The following AQP5 variants were observed in gnomAD, a reference collection of about 807,000 sequenced individuals.
The protein encoded by AQP5 is aquaporin-5.
In AQP5, 15 loss-of-function variants were observed where a neutral mutation model predicts 19.1. That is an observed-to-expected ratio of 0.79 (90% CI 0.53 to 1.21). The LOEUF is 1.21. Ranked by LOEUF, AQP5 falls within the 50% of genes most tolerant of loss-of-function variation. AQP5 has a pLI of 0.00. For synonymous variants in AQP5, 182 were observed against 160.3 expected, an observed-to-expected ratio of 1.14 and a Z score of -1.02; for missense variants, 355 against 357.1, an observed-to-expected ratio of 0.99 and a Z score of 0.05.
chr12:49,964,862 C>G (rs1947472250), intron 3 of AQP5, 130 bp from the exon 4 acceptor site: 1 of 1,469,476 alleles, frequency 6.8e-7, no homozygotes, highest in African/African-American at 1.4e-5. Flanking sequence ...AAGTCTTTCT[C>G]CCTGAAGGTC....
Position 49,964,077 on chromosome 12 carries a change from C to G in AQP5, c.529-15C>G. On this transcript the variant is annotated splice_polypyrimidine_tract_variant and intron_variant, in intron 2 of 3. Coordinates refer to ENST00000293599, the MANE Select transcript of AQP5 (RefSeq NM_001651.4). The stretch of plus-strand genomic sequence containing the variant: ...AGGATGTTGCCTTTCTCTCCACCGC[C>G]CTGTCTCTATCCAGATCTACTTCAC... The G allele has an allele frequency of 6.2e-7, 1 of 1,610,554 alleles. No homozygotes were observed. Among genetic ancestry groups the G allele is most frequent in the East Asian group, 2.2e-5 (1 of 44,862 alleles).
At chr12:49,964,223 C>A (rs1337310505) in intron 3 of AQP5, 48 bp downstream of exon 3, 1 of 1,574,050 alleles carries the variant, frequency 6.4e-7, no homozygotes, top group Non-Finnish European at 8.7e-7. Context: ...GGCCTGGAGA[C>A]CCAGCAGTGG....
chr12:49,963,664 G>C lies in AQP5; in HGVS notation c.528+8G>C. Reference sequence around the variant, plus strand: ...CTGGGCCACCTTGTCGGAGTGAGCAGTACCGACATTGGGCTGGGGTGAGGG... The same window carrying C: ...CTGGGCCACCTTGTCGGAGTGAGCACTACCGACATTGGGCTGGGGTGAGGG... On this transcript the variant is annotated splice_region_variant and intron_variant, in intron 2 of 3. Transcript: ENST00000293599. 6.2e-7 allele frequency: 1 copy of C among 1,611,296 alleles called. No homozygotes were observed. Among genetic ancestry groups the C allele is most frequent in the Non-Finnish European group, 8.5e-7 (1 of 1,178,480 alleles).
chr12:49,965,312 C>A lies in AQP5; in HGVS notation c.*135C>A. On this transcript the variant is annotated 3_prime_UTR_variant, in exon 4 of 4. Transcript: ENST00000293599. ...GGAGGAGCTGGTCACCCTGGCTGCA[C>A]AGTTAGAGAGGGGAGAAGGAACCCA... is the stretch of plus-strand genomic sequence containing the variant. 8.9e-7 allele frequency: 1 copy of A among 1,122,958 alleles called. No individual in the cohort carries two copies. Among genetic ancestry groups the A allele is most frequent in the Non-Finnish European group, 1.2e-6 (1 of 818,108 alleles). 69.6% of individuals were successfully genotyped at this position (1,122,958 alleles called of 1,614,324 possible). A position where few individuals can be genotyped will look rare whatever the true frequency, so the allele number is the denominator to read the frequency against.
chr12:49,962,170 G>C lies in AQP5; in HGVS notation c.153G>C (p.Leu51=). 2 of 1,611,642 alleles carry C rather than the reference G, an allele frequency of 1.2e-6. No homozygotes were observed. The highest frequency in any genetic ancestry group is 1.1e-5 in the South Asian group (1 of 91,074). The change falls in exon 1 of 4, where the codon CTG becomes CTC. Residue 51 remains leucine (L), a synonymous_variant. Coordinates refer to ENST00000293599, the MANE Select transcript of AQP5 (RefSeq NM_001651.4). ...TGCAGATCGCGCTGGCGTTTGGCCT[G>C]GCCATAGGCACGCTGGCCCAGGCCC... The part of the protein sequence containing the change: ...TILQIALAFG[L]AIGTLAQALG...
chr12:49,964,714 G>C, intron 3 of AQP5: 3 of 985,336 alleles, frequency 3.0e-6, no homozygotes, highest in Non-Finnish European at 3.6e-6. Flanking sequence ...AGGTTTATTT[G>C]CTTCTCTTTC....
At chr12:49,964,654 A>T in intron 3 of AQP5, 1 of 984,162 alleles carries the variant, frequency 1.0e-6, no homozygotes. Flanking sequence ...CGTGGAGGGG[A>T]CACGCGCTCT....
rs1398556425 is a variant in AQP5 at position 49,961,937 on chromosome 12, G to T, written c.-81G>T. The T allele has an allele frequency of 1.1e-5, 10 of 944,326 alleles. No individual in the cohort carries two copies. The highest frequency in any genetic ancestry group is 1.4e-5 in the Non-Finnish European group (10 of 734,952). The allele number at this position is 944,326 out of a possible 1,614,324, so 58.5% of individuals were successfully genotyped here. On this transcript the variant is annotated 5_prime_UTR_variant, in exon 1 of 4. Transcript: ENST00000293599. ...GCCCCGCAGCCAGGCCCCCGCCCCCGCCGCATCCACCTCCTCCGCCGCCTG... is the reference window on the plus strand; with the variant it reads ...GCCCCGCAGCCAGGCCCCCGCCCCCTCCGCATCCACCTCCTCCGCCGCCTG...
Position 49,962,200 on chromosome 12 carries a change from A to C in AQP5, c.183A>C (p.Gly61=). The change falls in exon 1 of 4, where the codon GGA becomes GGC. Residue 61 remains glycine, a synonymous_variant. Coordinates refer to ENST00000293599, the MANE Select transcript of AQP5 (RefSeq NM_001651.4). ...LAIGTLAQAL[G]PVSGGHINPA... ...TAGGCACGCTGGCCCAGGCCCTGGG[A>C]CCCGTGAGCGGCGGCCACATCAACC... is the stretch of plus-strand genomic sequence containing the variant. 1 of 1,607,216 alleles carries C rather than the reference A, an allele frequency of 6.2e-7. No individual in the cohort carries two copies. The highest frequency in any genetic ancestry group is 8.5e-7 in the Non-Finnish European group (1 of 1,179,620).
intron 2 of AQP5, 148 bp from the exon 3 acceptor site, chr12:49,963,944 C>T: frequency 1.2e-6 from 1 of 851,704 alleles, no homozygotes; most frequent in East Asian, 2.6e-5. Flanking sequence ...GTTAACCAAG[C>T]AGCTGGGATC....
In AQP5 at chr12:49,963,966, A is replaced by G; in HGVS notation, c.529-126A>G. 2.1e-6 allele frequency: 2 copies of G among 960,596 alleles called. 1 individual carries two copies. The allele number at this position is 960,596 out of a possible 1,614,324, so 59.5% of individuals were successfully genotyped here. ...AAGCAGCTGGGATCCTTGGAGGGAGAGGTTGCCAGCCTGAGTTTGAGACCT... is the reference window on the plus strand; with the variant it reads ...AAGCAGCTGGGATCCTTGGAGGGAGGGGTTGCCAGCCTGAGTTTGAGACCT... On this transcript the variant is annotated intron_variant, in intron 2 of 3. Transcript: ENST00000293599.
At position 49,965,412 on chromosome 12, in the gene AQP5, A is replaced by T. The variant is rs1592823613; in HGVS notation, c.*235A>T. On this transcript the variant is annotated 3_prime_UTR_variant, in exon 4 of 4. Transcript: ENST00000293599. ...GGTCTCTCTGGGACAGACCTCAGAGATTGTGAATGCAGTGCCAAGCTCACA... is the reference window on the plus strand; with the variant it reads ...GGTCTCTCTGGGACAGACCTCAGAGTTTGTGAATGCAGTGCCAAGCTCACA... 3 of 430,732 alleles carry T rather than the reference A, an allele frequency of 7.0e-6. No individual in the cohort carries two copies. The East Asian group carries it at 1.2e-4, about 17-fold the overall frequency. The allele number at this position is 430,732 out of a possible 1,614,324, so 26.7% of individuals were successfully genotyped here.
At position 49,963,526 on chromosome 12, in the gene AQP5, T is replaced by C. The variant is rs1380974407; in HGVS notation, c.398T>C (p.Val133Ala). ...NNNTTQGQAM[V>A]VELILTFQLA... The stretch of plus-strand genomic sequence containing the variant: ...AACACAACGCAGGGCCAGGCCATGG[T>C]GGTGGAGCTGATTCTGACCTTCCAG... The change falls in exon 2 of 4, where the codon GTG becomes GCG. Residue 133 changes from valine to alanine, a missense_variant. Coordinates refer to ENST00000293599, the MANE Select transcript of AQP5 (RefSeq NM_001651.4). 1 of 1,613,752 alleles carries C rather than the reference T, an allele frequency of 6.2e-7. No homozygotes were observed. Among genetic ancestry groups the C allele is most frequent in the Admixed American group, 1.7e-5 (1 of 60,010 alleles).
Position 49,964,195 on chromosome 12 carries a change from T to C in AQP5, c.612+20T>C. The C allele has an allele frequency of 6.2e-7, 1 of 1,609,824 alleles. No individual in the cohort carries two copies. Among genetic ancestry groups the C allele is most frequent in the Non-Finnish European group, 8.5e-7 (1 of 1,176,134 alleles). ...CACTGGGTGAGTCTGTCCCTTCCCCTGGCTCCCTGGAGATGAGGGCCTGGA... is the reference window on the plus strand; with the variant it reads ...CACTGGGTGAGTCTGTCCCTTCCCCCGGCTCCCTGGAGATGAGGGCCTGGA... On this transcript the variant is annotated intron_variant, in intron 3 of 3. Coordinates refer to ENST00000293599, the MANE Select transcript of AQP5 (RefSeq NM_001651.4).
In AQP5 at chr12:49,962,380, G is replaced by A. The variant is rs781290535; in HGVS notation, c.363G>A (p.Ala121=). 46 of 1,512,110 alleles carry A rather than the reference G, an allele frequency of 3.0e-5. No homozygotes were observed. The highest frequency in any genetic ancestry group is 3.7e-5 in the Non-Finnish European group (42 of 1,138,134). 93.7% of individuals were successfully genotyped at this position (1,512,110 alleles called of 1,614,324 possible). The change falls in exon 1 of 4, where the codon GCG becomes GCA. Residue 121 remains alanine (A), a splice_region_variant and synonymous_variant. Coordinates refer to ENST00000293599, the MANE Select transcript of AQP5 (RefSeq NM_001651.4). The stretch of plus-strand genomic sequence containing the variant: ...CCCGGGGCAATCTGGCCGTCAACGC[G>A]GTGAGTGCCCTGGGGGGGGGGTGGG... ...LNARGNLAVN[A]LNNNTTQGQA... is the part of the protein sequence containing the mutation.
rs1281388026 is a variant in AQP5 at position 49,962,307 on chromosome 12, G to C, written c.290G>C (p.Gly97Ala). The change falls in exon 1 of 4, where the codon GGC becomes GCC. Residue 97 changes from glycine to alanine, a missense_variant. Gly to Ala is a moderately conservative substitution (Grantham distance 60). Transcript: ENST00000293599. ...TTCTACGTGGCGGCCCAGCTGGTGGGCGCCATTGCCGGGGCTGGCATCCTC... is the reference window on the plus strand; with the variant it reads ...TTCTACGTGGCGGCCCAGCTGGTGGCCGCCATTGCCGGGGCTGGCATCCTC... ...AFFYVAAQLV[G>A]AIAGAGILYG... 4 of 1,607,474 alleles carry C rather than the reference G, an allele frequency of 2.5e-6. No homozygotes were observed. The highest frequency in any genetic ancestry group is 3.4e-6 in the Non-Finnish European group (4 of 1,179,858).
chr12:49,964,221 G>A, intron 3 of AQP5, 46 bp downstream of exon 3: 1 of 1,582,126 alleles, frequency 6.3e-7, no homozygotes, highest in Non-Finnish European at 8.7e-7. Flanking sequence ...AGGGCCTGGA[G>A]ACCCAGCAGT....
intron 1 of AQP5, 62 bp from the exon 2 acceptor site, chr12:49,963,430 C>T (rs1453799805): frequency 1.9e-6 from 3 of 1,586,390 alleles, no homozygotes; most frequent in Non-Finnish European, 2.6e-6. Flanking sequence ...AGCCCTACTC[C>T]CCGAGCCCCT....
chr12:49,962,559 C>A (rs1947441718), intron 1 of AQP5, 179 bp downstream of exon 1: 1 of 768,748 alleles, frequency 1.3e-6, no homozygotes. Flanking sequence ...GTGCTCCCTT[C>A]CTGCCCACCT....
Sources: gnomAD v4.1 joint callset for allele counts on GRCh38, gnomAD v4.1.1 for gene constraint, MANE v1.5 for transcripts, NCBI Gene and HGNC (gene_info 2026-07-23, HGNC 2026-07-21) for gene names.